GRIK1: variants seen among roughly 807,000 people sequenced by gnomAD.
GRIK1 encodes glutamate ionotropic receptor kainate type subunit 1, also known as glutamate receptor ionotropic, kainate 1.
Under a neutral mutation model 105.7 loss-of-function variants are expected in GRIK1, and 69 were observed. That is an observed-to-expected ratio of 0.65 (90% confidence interval 0.54 to 0.80). GRIK1 has a LOEUF of 0.80. Among genes scored for constraint, GRIK1 ranks in the 30% least tolerant of loss-of-function variants. The pLI, the probability that GRIK1 is intolerant of heterozygous loss-of-function variation, is 0.00. For missense variants in GRIK1, 1,109 were observed against 1,167.3 expected (o/e 0.95, Z 0.73); for synonymous variants, 438 against 431.3 (o/e 1.02, Z -0.19).
At chr21:29,846,021 G>C (rs1359960206) in intron 1 of GRIK1, among the ~76,000 whole-genome samples, 2 of 152,126 alleles carry the variant, frequency 1.3e-5, no homozygotes, top group Non-Finnish European at 2.9e-5. Flanking sequence ...ACTACTTCCT[G>C]TTTTTTTCCT....
In GRIK1 at chr21:29,912,163, G is replaced by T. The variant is rs555493027; in HGVS notation, c.118+27220C>A. ...GCAGGAGCATCGCCATCTTGCACAA[G>T]CACTGCCATTATAAATTCCCCTTGA... On this transcript the variant is annotated intron_variant, in intron 1 of 17. Coordinates refer to ENST00000327783, the MANE Select transcript of GRIK1 (RefSeq NM_001330994.2). Among the ~76,000 whole-genome samples, 4 of 152,182 alleles carry T rather than the reference G, an allele frequency of 2.6e-5. No individual in the cohort carries two copies. The East Asian group carries it at 7.7e-4, about 29-fold the overall frequency.
chr21:29,874,047 G>A (rs61189429), intron 1 of GRIK1, among the ~76,000 whole-genome samples: 15 of 152,290 alleles, frequency 9.8e-5, no homozygotes, highest in African/African-American at 3.6e-4. Context: ...GAGAGGAGGT[G>A]GAGCTCAGGC....
chr21:29,798,074 A>G (rs1403955569), intron 1 of GRIK1, among the ~76,000 whole-genome samples: 2 of 152,156 alleles, frequency 1.3e-5, no homozygotes, highest in Admixed American at 6.6e-5. Flanking sequence ...GGTGGCATCT[A>G]CTCAACATGA....
intron 1 of GRIK1, among the ~76,000 whole-genome samples, chr21:29,741,268 C>G (rs146759340): frequency 6.6e-6 from 1 of 152,270 alleles, no homozygotes; most frequent in African/African-American, 2.4e-5. Context: ...AACTGGAGAC[C>G]TGATTTTTAT....
At chr21:29,859,327 G>A (rs566608669) in intron 1 of GRIK1, among the ~76,000 whole-genome samples, 41 of 151,466 alleles carry the variant, frequency 2.7e-4, no homozygotes, top group South Asian at 8.3e-4. Flanking sequence ...TAACCTGCAC[G>A]TTGTGCACAT....
intron 16 of GRIK1, among the ~76,000 whole-genome samples, chr21:29,539,726 T>A (rs1430049589): frequency 6.6e-6 from 1 of 152,102 alleles, no homozygotes; most frequent in African/African-American, 2.4e-5. Flanking sequence ...GGCATTAAAA[T>A]GGAAGGAACG....
In GRIK1 at chr21:29,587,442, G is replaced by A. The variant is rs1359924735; in HGVS notation, c.1717C>T (p.Pro573Ser). 6.2e-7 allele frequency: 1 copy of A among 1,613,830 alleles called. No homozygotes were observed. Among genetic ancestry groups the A allele is most frequent in the South Asian group, 1.1e-5 (1 of 91,070 alleles). The change falls in exon 12 of 18, where the codon CCC (proline) becomes TCC (serine). Residue 573 changes from proline (P) to serine (S), a missense_variant. Pro to Ser is a moderately conservative substitution (Grantham distance 74). Around this residue, in one of 5 missense-constraint regions of GRIK1, gnomAD observed 264 missense variants for 306.9 expected, o/e 0.86. Transcript: ENST00000327783. ...TNPGVFSFLN[P>S]LSPDIWMYVL... ...TACATCCAAATATCTGGAGACAGGG[G>A]GTTGAGGAAGGAGAAAACGCCTGGA...
intron 1 of GRIK1, among the ~76,000 whole-genome samples, chr21:29,894,791 T>C (rs1021465293): frequency 6.6e-6 from 1 of 152,202 alleles, no homozygotes; most frequent in Admixed American, 6.5e-5. Context: ...CAAAAATTGA[T>C]GAGTGCCCCC....
At chr21:29,612,122 T>G (rs1330664757) in intron 7 of GRIK1, among the ~76,000 whole-genome samples, 1 of 152,208 alleles carries the variant, frequency 6.6e-6, no homozygotes, top group Non-Finnish European at 1.5e-5. Flanking sequence ...GCAGTCCTCT[T>G]TGCAAGGGGT....
chr21:29,847,113 C>G (rs955712468), intron 1 of GRIK1, among the ~76,000 whole-genome samples: 2 of 152,028 alleles, frequency 1.3e-5, no homozygotes, highest in African/African-American at 2.4e-5. Context: ...TTTAATGAAC[C>G]ATTTTCCTCT....
chr21:29,730,377 A>G (rs1302861997), intron 1 of GRIK1, among the ~76,000 whole-genome samples: 3 of 152,200 alleles, frequency 2.0e-5, no homozygotes, highest in Non-Finnish European at 4.4e-5. Flanking sequence ...ACCAATCAAA[A>G]TATCTCAGGA....
At chr21:29,556,856 T>C (rs116971968) in intron 15 of GRIK1, among the ~76,000 whole-genome samples, 3,818 of 152,306 alleles carry the variant, frequency 0.025, 76 homozygotes, top group Non-Finnish European at 0.038. Context: ...GAAATTAACA[T>C]TGAATGTGTA....
At chr21:29,550,064 C>T (rs982360129) in intron 16 of GRIK1, among the ~76,000 whole-genome samples, 4 of 120,136 alleles carry the variant, frequency 3.3e-5, no homozygotes, top group South Asian at 5.8e-4. Flanking sequence ...GCCAAGATGG[C>T]GTGACTGCAC....
intron 1 of GRIK1, among the ~76,000 whole-genome samples, chr21:29,705,313 A>G (rs945660068): frequency 2.0e-5 from 3 of 152,214 alleles, no homozygotes; most frequent in Non-Finnish European, 4.4e-5. Flanking sequence ...TTAGTGGTCA[A>G]ATATGCTTGG....
At position 29,689,989 on chromosome 21, in the gene GRIK1, A is replaced by G. The variant is rs1212361036; in HGVS notation, c.287-4T>C. 6.9e-7 allele frequency: 1 copy of G among 1,458,186 alleles called. No individual in the cohort carries two copies. The highest frequency in any genetic ancestry group is 1.1e-5 in the South Asian group (1 of 88,144). 90.3% of individuals were successfully genotyped at this position (1,458,186 alleles called of 1,614,324 possible). ...CCAAGAGCCAGCTGGTCACATGCTG[A>G]TGCCCAAGGACAAGGAGAGGATGGG... On this transcript the variant is annotated splice_region_variant and splice_polypyrimidine_tract_variant and intron_variant, in intron 2 of 17. Coordinates refer to ENST00000327783, the MANE Select transcript of GRIK1 (RefSeq NM_001330994.2).
chr21:29,706,057 G>T (rs1177095677), intron 1 of GRIK1, among the ~76,000 whole-genome samples: 2 of 151,684 alleles, frequency 1.3e-5, no homozygotes, highest in Non-Finnish European at 2.9e-5. Flanking sequence ...TATTTTTAGT[G>T]GAGATGGGGT....
At chr21:29,632,474 C>T (rs2154487) in intron 7 of GRIK1, among the ~76,000 whole-genome samples, 2 of 151,820 alleles carry the variant, frequency 1.3e-5, no homozygotes, top group African/African-American at 4.8e-5. Flanking sequence ...GAGATAATTG[C>T]GAAAGCACAC....
chr21:29,651,133 CA>C lies in GRIK1; in HGVS notation c.938del (p.Leu313TrpfsTer4). 1 of 1,606,464 alleles carries C rather than the reference CA, an allele frequency of 6.2e-7. No individual in the cohort carries two copies. The highest frequency in any genetic ancestry group is 8.5e-7 in the Non-Finnish European group (1 of 1,177,750). ...QAPPRPETGL[L>X]DGMMTTEAAL... ...AATGACTTACTGTCATCATGCCATC[CA>C]AAAGGCCAGTCTCGGGCCTGGGTGG... On this transcript the variant is annotated frameshift_variant, in exon 6 of 18. Transcript: ENST00000327783. LOFTEE classifies it high-confidence loss of function.
chr21:29,766,082 T>C (rs576459945), intron 1 of GRIK1, among the ~76,000 whole-genome samples: 19 of 152,144 alleles, frequency 1.2e-4, no homozygotes, highest in South Asian at 2.1e-4. Context: ...ATCTCCTGAC[T>C]TCGTGATCCG....
Sources: gnomAD v4.1 joint callset for allele counts (sites outside exome capture counted in the v4.1 genomes callset) on GRCh38, gnomAD v4.1.1 for gene constraint, gnomAD v4.1.1 regional missense constraint, MANE v1.5 for transcripts, NCBI Gene and HGNC (gene_info 2026-07-23, HGNC 2026-07-21) for gene names.